The following WDR17 variants were observed in gnomAD, a reference collection of about 807,000 sequenced individuals.
WDR17 encodes WD repeat domain 17, also known as WD repeat-containing protein 17.
A neutral mutation model predicts 161.7 loss-of-function variants in WDR17; 143 were observed. That is an observed-to-expected ratio of 0.88 (90% CI 0.77 to 1.02). The LOEUF (loss-of-function observed/expected upper bound fraction) is 1.02, where lower values mean the gene tolerates loss of function less well. Among genes scored for constraint, WDR17 ranks in the 50% least tolerant of loss-of-function variants. WDR17 has a pLI of 0.00. For synonymous variants in WDR17, 517 were observed against 515.6 expected (o/e 1.00, Z -0.04); for missense variants, 1,469 against 1,520.9 (o/e 0.97, Z 0.57).
intron 17 of WDR17, 85 bp downstream of exon 17, chr4:176,152,052 A>G (rs1358256322): frequency 7.0e-7 from 1 of 1,425,196 alleles, no homozygotes; most frequent in African/African-American, 1.5e-5. Context: ...TATTAAAAAT[A>G]AAAAGCTCAG....
rs769799296 is a variant in WDR17 at position 176,111,531 on chromosome 4, C to A, written c.-6-44C>A. On this transcript the variant is annotated intron_variant, in intron 1 of 28. Transcript: ENST00000508596. ...GATGTAAAACAATGAGGAAGTTTAT[C>A]AATAATGGAAATCACTGACATTTCT... 4.4e-6 allele frequency: 7 copies of A among 1,579,510 alleles called. No individual in the cohort carries two copies. The South Asian group carries it at 8.1e-5, about 18-fold the overall frequency.
intron 1 of WDR17, among the ~76,000 whole-genome samples, chr4:176,101,040 T>C (rs1418390584): frequency 1.3e-5 from 2 of 152,202 alleles, no homozygotes; most frequent in Non-Finnish European, 2.9e-5. Context: ...GTTTTATTCC[T>C]TTGGTTTTGG....
chr4:176,162,246 A>T (rs778425645), intron 21 of WDR17, 72 bp downstream of exon 21: 49 of 1,363,838 alleles, frequency 3.6e-5, no homozygotes, highest in Non-Finnish European at 4.8e-5. Context: ...AGAGGAAAAG[A>T]TATGGTGACT....
rs1189421646 is a variant in WDR17 at position 176,151,941 on chromosome 4, T to C, written c.2434T>C (p.Cys812Arg). The change falls in exon 17 of 29, where the codon TGT becomes CGT. Residue 812 changes from cysteine to arginine, a missense_variant. Cys to Arg is a radical substitution (Grantham distance 180). Transcript: ENST00000508596. ...GAGATTAGGACAAATTCAGAGATAC[T>C]GTGAACTTATGGTTGAACTTGGAGA... ...HLRLGQIQRY[C>R]ELMVELGEWD... 6.2e-7 allele frequency: 1 copy of C among 1,612,518 alleles called. No homozygotes were observed. The highest frequency in any genetic ancestry group is 2.2e-5 in the East Asian group (1 of 44,800).
chr4:176,129,006 C>T, intron 6 of WDR17, 146 bp downstream of exon 6: 1 of 639,524 alleles, frequency 1.6e-6, no homozygotes, highest in Non-Finnish European at 2.4e-6. Context: ...GCTCAAGGAT[C>T]CATCAAAGCT....
intron 1 of WDR17, among the ~76,000 whole-genome samples, chr4:176,078,736 A>G (rs1270220911): frequency 6.6e-6 from 1 of 151,874 alleles, no homozygotes. Context: ...GCTTTTTGTC[A>G]TTTTTTAATT....
chr4:176,166,933 A>G (rs1339146312), intron 22 of WDR17, among the ~76,000 whole-genome samples: 2 of 152,174 alleles, frequency 1.3e-5, no homozygotes, highest in African/African-American at 2.4e-5. Flanking sequence ...ATTATCTAGA[A>G]AACTATTTAT....
intron 1 of WDR17, among the ~76,000 whole-genome samples, chr4:176,073,418 T>A (rs2126556500): frequency 6.6e-6 from 1 of 152,146 alleles, no homozygotes; most frequent in South Asian, 2.1e-4. Context: ...TCCATGTCCC[T>A]ACAAAGGACA....
chr4:176,155,918 A>G (rs1748052222), intron 17 of WDR17, among the ~76,000 whole-genome samples, 161 bp from the exon 18 acceptor site: 1 of 151,624 alleles, frequency 6.6e-6, no homozygotes, highest in Non-Finnish European at 1.5e-5. Flanking sequence ...TTTTTTTAAG[A>G]CTACGGAACA....
chr4:176,135,013 G>A (rs928871307), intron 7 of WDR17, 95 bp from the exon 8 acceptor site: 30 of 1,259,304 alleles, frequency 2.4e-5, no homozygotes, highest in South Asian at 1.2e-4. Flanking sequence ...TTGGAAAACC[G>A]TATACATGTG....
At chr4:176,070,492 G>C (rs1313695071) in intron 1 of WDR17, among the ~76,000 whole-genome samples, 1 of 151,922 alleles carries the variant, frequency 6.6e-6, no homozygotes. Context: ...AGTTTATGTA[G>C]ATCCTTTTTT....
intron 3 of WDR17, among the ~76,000 whole-genome samples, chr4:176,119,049 G>T (rs1471930951): frequency 6.6e-6 from 1 of 152,064 alleles, no homozygotes; most frequent in Non-Finnish European, 1.5e-5. Context: ...TCCATTTCAT[G>T]ATTTTGATGC....
intron 1 of WDR17, among the ~76,000 whole-genome samples, chr4:176,074,781 G>C (rs1048530716): frequency 4.2e-5 from 6 of 144,034 alleles, no homozygotes; most frequent in African/African-American, 1.5e-4. Context: ...AAGAATAAAA[G>C]CTCTGGGCAT....
At chr4:176,161,889 G>C (rs1310813880) in intron 20 of WDR17, among the ~76,000 whole-genome samples, 186 bp from the exon 21 acceptor site, 1 of 152,086 alleles carries the variant, frequency 6.6e-6, no homozygotes, top group African/African-American at 2.4e-5. Flanking sequence ...GGAGATAGAG[G>C]CTTATCAGAC....
At chr4:176,138,226 TTGTC>T (rs1430652739) in intron 9 of WDR17, among the ~76,000 whole-genome samples, 2 of 151,700 alleles carry the variant, frequency 1.3e-5, no homozygotes, top group South Asian at 2.1e-4. Context: ...TGATCTAAGA[TTGTC>T]TGTGTCTTGA....
intron 8 of WDR17, among the ~76,000 whole-genome samples, chr4:176,137,273 A>G (rs1035082542): frequency 6.6e-6 from 1 of 151,594 alleles, no homozygotes; most frequent in African/African-American, 2.4e-5. Flanking sequence ...ATTTACTCCA[A>G]ATAAATTCAG....
chr4:176,102,895 G>A (rs1738048600), intron 1 of WDR17, among the ~76,000 whole-genome samples: 1 of 152,160 alleles, frequency 6.6e-6, no homozygotes, highest in Admixed American at 6.5e-5. Flanking sequence ...GCAGACAAGT[G>A]AGCATGTATC....
chr4:176,132,067 G>A (rs7654095), intron 7 of WDR17, among the ~76,000 whole-genome samples: 2 of 151,914 alleles, frequency 1.3e-5, no homozygotes, highest in South Asian at 2.1e-4. Context: ...TCTGCCAGTT[G>A]CTCAAAGCCT....
intron 1 of WDR17, among the ~76,000 whole-genome samples, chr4:176,105,151 ATATT>A (rs1371069116): frequency 6.6e-6 from 1 of 152,082 alleles, no homozygotes; most frequent in Non-Finnish European, 1.5e-5. Context: ...AGGACACTAT[ATATT>A]AATAAAGTTT....
Sources: gnomAD v4.1 joint callset for allele counts (sites outside exome capture counted in the v4.1 genomes callset) on GRCh38, gnomAD v4.1.1 for gene constraint, MANE v1.5 for transcripts, NCBI Gene and HGNC (gene_info 2026-07-23, HGNC 2026-07-21) for gene names.